CCM2L: variants seen among roughly 807,000 people sequenced by gnomAD.
The protein encoded by CCM2L is cerebral cavernous malformations 2 protein-like.
In CCM2L, 36 loss-of-function variants were observed where a neutral mutation model predicts 54.1. The observed-to-expected ratio is 0.67, with a 90% CI of 0.51 to 0.88. The LOEUF is 0.88. CCM2L is among the 40% of genes least tolerant of loss of function. The pLI, the probability that CCM2L is intolerant of heterozygous loss-of-function variation, is 0.00. For synonymous variants in CCM2L, 351 were observed against 359.3 expected, an observed-to-expected ratio of 0.98 and a Z score of 0.26; for missense variants, 700 against 812.1, an observed-to-expected ratio of 0.86 and a Z score of 1.68.
chr20:32,029,033 G>T lies in CCM2L; in HGVS notation c.1172G>T (p.Gly391Val). 2 of 1,614,134 alleles carry T rather than the reference G, an allele frequency of 1.2e-6. No homozygotes were observed. The highest frequency in any genetic ancestry group is 1.1e-5 in the South Asian group (1 of 91,082). The change falls in exon 8 of 10, where the codon GGC becomes GTC. Residue 391 changes from glycine to valine, a missense_variant. Physicochemically the swap from Gly to Val is moderately radical, Grantham distance 109 (BLOSUM62 -3). Coordinates refer to ENST00000452892, the MANE Select transcript of CCM2L (RefSeq NM_001365692.1). ...SQDTFEACYSGTSTPSFHGSH... is the reference protein window; with the variant it reads ...SQDTFEACYSVTSTPSFHGSH... ...GACACCTTTGAAGCATGTTACAGCG[G>T]CACGTCCACACCTTCTTTCCATGGC...
rs1019391106 is a variant in CCM2L, at chr20:32,031,305, C to T, written c.1707C>T (p.Asn569=). ...SRGGSDAAED[N]YL is the part of the protein sequence containing the mutation. The stretch of plus-strand genomic sequence containing the variant: ...GCGGGAGCGACGCCGCAGAAGACAA[C>T]TACCTGTAGCCACCGCCCCTGCGGA... The change falls in exon 10 of 10, where the codon AAC becomes AAT. Residue 569 remains asparagine (N), a synonymous_variant. Transcript: ENST00000452892. The T allele has an allele frequency of 1.6e-6, 2 of 1,276,772 alleles. No individual in the cohort carries two copies. Among genetic ancestry groups the T allele is most frequent in the Admixed American group, 5.2e-5 (2 of 38,636 alleles). 79.1% of individuals were successfully genotyped at this position (1,276,772 alleles called of 1,614,324 possible). A position where few individuals can be genotyped will look rare whatever the true frequency, so the allele number is the denominator to read the frequency against.
At position 32,014,967 on chromosome 20, in the gene CCM2L, A is replaced by G. The variant is rs753029789; in HGVS notation, c.94A>G (p.Ser32Gly). 3.1e-6 allele frequency: 5 copies of G among 1,598,896 alleles called. No individual in the cohort carries two copies. The South Asian group carries it at 5.6e-5, about 18-fold the overall frequency. ...GGCCGGGCGCCGGGCAGCCTGTAGGAGCAGCGTGAGCCGCCGGCCCCTGCA... is the reference window on the plus strand; with the variant it reads ...GGCCGGGCGCCGGGCAGCCTGTAGGGGCAGCGTGAGCCGCCGGCCCCTGCA... ...PKAGRRAACR[S>G]SVSRRPLHSM... Residue 32 changes from serine (S) to glycine (G), a missense_variant, in exon 2 of 10, where the codon AGC (serine) becomes GGC (glycine). Coordinates refer to ENST00000452892, the MANE Select transcript of CCM2L (RefSeq NM_001365692.1).
intron 9 of CCM2L, among the ~76,000 whole-genome samples, 199 bp from the exon 10 acceptor site, chr20:32,030,802 C>T (rs1330305290): frequency 1.3e-5 from 2 of 151,410 alleles, no homozygotes; most frequent in Non-Finnish European, 2.9e-5. Context: ...GTACAGTAAT[C>T]TAGTATGTAG....
intron 6 of CCM2L, 127 bp downstream of exon 6, chr20:32,022,922 G>A (rs1271173403): frequency 2.0e-6 from 2 of 1,011,388 alleles, no homozygotes; most frequent in South Asian, 1.7e-5. Flanking sequence ...TAATTACAGT[G>A]TACCCCACAA....
intron 7 of CCM2L, 123 bp downstream of exon 7, chr20:32,026,042 G>T: frequency 1.5e-6 from 1 of 665,568 alleles, no homozygotes. Context: ...GGCACTAAGA[G>T]GGGGAGGTAA....
Position 32,019,348 on chromosome 20 carries a change from A to AC in CCM2L, c.875dup (p.Gln293AlafsTer43). On this transcript the variant is annotated frameshift_variant, in exon 5 of 10. Coordinates refer to ENST00000452892, the MANE Select transcript of CCM2L (RefSeq NM_001365692.1). LOFTEE classifies it high-confidence loss of function. The stretch of plus-strand genomic sequence containing the variant: ...CGCCACCCCGGCCCCAACCCGCTCG[A>AC]CCCGCAGGACCCCAGCCCCGACGCC... The AC allele has an allele frequency of 6.8e-7, 1 of 1,481,252 alleles. No homozygotes were observed. The highest frequency in any genetic ancestry group is 8.9e-7 in the Non-Finnish European group (1 of 1,121,070). The allele number at this position is 1,481,252 out of a possible 1,614,324, so 91.8% of individuals were successfully genotyped here.
intron 5 of CCM2L, among the ~76,000 whole-genome samples, chr20:32,019,996 C>T (rs779716427): frequency 6.6e-6 from 1 of 152,168 alleles, no homozygotes; most frequent in Non-Finnish European, 1.5e-5. Flanking sequence ...CTCCGTCTTC[C>T]CCTCTGCCTC....
At position 32,022,765 on chromosome 20, in the gene CCM2L, A is replaced by G; in HGVS notation, c.1039A>G (p.Thr347Ala). The G allele has an allele frequency of 6.2e-7, 1 of 1,613,516 alleles. No homozygotes were observed. Among genetic ancestry groups the G allele is most frequent in the Non-Finnish European group, 8.5e-7 (1 of 1,180,014 alleles). Residue 347 changes from threonine to alanine, a missense_variant, in exon 6 of 10, where the codon ACA becomes GCA. By Grantham distance (58) the Thr-to-Ala change is moderately conservative. Coordinates refer to ENST00000452892, the MANE Select transcript of CCM2L (RefSeq NM_001365692.1). ...CCGGGCTGGCTACCACTACACATCC[A>G]CACCTGAACGGCCATGGCTCTGCAG... ...VDRAGYHYTSTPERPWLCSRS... is the reference protein window; with the variant it reads ...VDRAGYHYTSAPERPWLCSRS...
In CCM2L at chr20:32,019,515, GC is replaced by G. The variant is rs1263114841; in HGVS notation, c.933+108del. 6.6e-6 allele frequency: 5 copies of G among 752,390 alleles called. No homozygotes were observed. The East Asian group carries it at 1.8e-4, about 27-fold the overall frequency. 46.6% of individuals were successfully genotyped at this position (752,390 alleles called of 1,614,324 possible). On this transcript the variant is annotated intron_variant, in intron 5 of 9. Transcript: ENST00000452892. ...CACCAGGTTCCTAGGATCTGCCCCT[GC>G]CTTCTCCCTGCACCTGCCCCACCTA...
At position 32,031,405 on chromosome 20, in the gene CCM2L, A is replaced by C; in HGVS notation, c.*91A>C. On this transcript the variant is annotated 3_prime_UTR_variant, in exon 10 of 10. Transcript: ENST00000452892. The stretch of plus-strand genomic sequence containing the variant: ...CCTATCCCCAGGGCCCCCCCATCAC[A>C]CCTGGCGGGGCCGGGGGGTCTTCAC... The C allele has an allele frequency of 3.2e-5, 34 of 1,061,382 alleles. No homozygotes were observed. Among genetic ancestry groups the C allele is most frequent in the Non-Finnish European group, 3.9e-5 (32 of 825,206 alleles). 65.7% of individuals were successfully genotyped at this position (1,061,382 alleles called of 1,614,324 possible). A position where few individuals can be genotyped will look rare whatever the true frequency, so the allele number is the denominator to read the frequency against.
chr20:32,025,479 G>C (rs2064850353), intron 6 of CCM2L, among the ~76,000 whole-genome samples: 1 of 152,078 alleles, frequency 6.6e-6, no homozygotes, highest in African/African-American at 2.4e-5. Context: ...TGTTGTCCAG[G>C]CTGGTCTTGA....
rs2064935892 is a variant in CCM2L, at chr20:32,032,029, C to T, written c.*715C>T. 6.6e-6 allele frequency: 1 copy of T among 152,186 alleles called. No homozygotes were observed. Among genetic ancestry groups the T allele is most frequent in the Admixed American group, 6.5e-5 (1 of 15,286 alleles). The allele number at this position is 152,186 out of a possible 1,614,324, so 9.4% of individuals were successfully genotyped here. On this transcript the variant is annotated 3_prime_UTR_variant, in exon 10 of 10. Coordinates refer to ENST00000452892, the MANE Select transcript of CCM2L (RefSeq NM_001365692.1). Reference sequence around the variant, plus strand: ...GCCTCTATCTGGTTAGTGTCGTAACCTCTGTGTGCCTCCCGTTACCCCATC... The same window carrying T: ...GCCTCTATCTGGTTAGTGTCGTAACTTCTGTGTGCCTCCCGTTACCCCATC...
rs140136446 is a variant in CCM2L at position 32,014,920 on chromosome 20, T to C, written c.47T>C (p.Ile16Thr). 2 of 1,599,918 alleles carry C rather than the reference T, an allele frequency of 1.3e-6. No homozygotes were observed. The highest frequency in any genetic ancestry group is 2.7e-5 in the African/African-American group (2 of 73,522). ...CCTCCCCAGGGCTTTGTATCCCCCA[T>C]CCGAAGGCTGGTGTTCCCCAAGGCC... is the stretch of plus-strand genomic sequence containing the variant. ...KKGKKGFVSP[I>T]RRLVFPKAGR... is the part of the protein sequence containing the mutation. The change falls in exon 2 of 10, where the codon ATC becomes ACC. Residue 16 changes from isoleucine (I) to threonine (T), a missense_variant. By Grantham distance (89) the Ile-to-Thr change is moderately conservative (BLOSUM62 -1). Coordinates refer to ENST00000452892, the MANE Select transcript of CCM2L (RefSeq NM_001365692.1).
At chr20:32,030,123 C>T (rs1338147583) in intron 9 of CCM2L, among the ~76,000 whole-genome samples, 3 of 152,130 alleles carry the variant, frequency 2.0e-5, no homozygotes, top group Non-Finnish European at 2.9e-5. Context: ...TTACCCCACA[C>T]GGAAGCTGAG....
chr20:32,014,059 T>TG (rs893549395), intron 1 of CCM2L, among the ~76,000 whole-genome samples: 43 of 152,110 alleles, frequency 2.8e-4, no homozygotes, highest in Non-Finnish European at 4.1e-4. Flanking sequence ...CCTTTAACCT[T>TG]GATCCAGGCC....
chr20:32,022,586 A>G (rs933966079), intron 5 of CCM2L, 74 bp from the exon 6 acceptor site: 324 of 1,555,290 alleles, frequency 2.1e-4, no homozygotes, highest in Non-Finnish European at 2.5e-4. Flanking sequence ...ATCTTCACAC[A>G]CTGTTTTAGG....
At position 32,030,992 on chromosome 20, in the gene CCM2L, G is replaced by A; in HGVS notation, c.1403-9G>A. On this transcript the variant is annotated splice_polypyrimidine_tract_variant and intron_variant, in intron 9 of 9. Coordinates refer to ENST00000452892, the MANE Select transcript of CCM2L (RefSeq NM_001365692.1). ...GTCCTGGGGACTCACCATGCCCCTCGGCTCGCAGGGATGCGGCCCTTCATC... is the reference window on the plus strand; with the variant it reads ...GTCCTGGGGACTCACCATGCCCCTCAGCTCGCAGGGATGCGGCCCTTCATC... The A allele has an allele frequency of 7.7e-7, 1 of 1,303,906 alleles. No homozygotes were observed. The highest frequency in any genetic ancestry group is 1.0e-6 in the Non-Finnish European group (1 of 988,850). 80.8% of individuals were successfully genotyped at this position (1,303,906 alleles called of 1,614,324 possible).
chr20:32,018,928 C>A lies in CCM2L; in HGVS notation c.467-15C>A, dbSNP rs1350929562. ...TCCCGATCCCCGCGGCTGACGGTCC[C>A]CCGGACTCTCCTAGGTCTGGGTGTG... On this transcript the variant is annotated splice_polypyrimidine_tract_variant and intron_variant, in intron 4 of 9. Coordinates refer to ENST00000452892, the MANE Select transcript of CCM2L (RefSeq NM_001365692.1). The A allele has an allele frequency of 1.5e-6, 2 of 1,325,112 alleles. No individual in the cohort carries two copies. The highest frequency in any genetic ancestry group is 2.0e-5 in the South Asian group (1 of 51,176). 82.1% of individuals were successfully genotyped at this position (1,325,112 alleles called of 1,614,324 possible).
At chr20:32,029,181 A>G (rs1477994108) in intron 8 of CCM2L, 57 bp downstream of exon 8, 2 of 1,612,168 alleles carry the variant, frequency 1.2e-6, no homozygotes, top group Non-Finnish European at 1.7e-6. Context: ...GCTGGAGTAA[A>G]CATTTTGGGA....
Sources: gnomAD v4.1 joint callset for allele counts (sites outside exome capture counted in the v4.1 genomes callset) on GRCh38, gnomAD v4.1.1 for gene constraint, MANE v1.5 for transcripts, NCBI Gene and HGNC (gene_info 2026-07-23, HGNC 2026-07-21) for gene names.